Variants in KATNIP observed in about 807,000 individuals in gnomAD.
The protein encoded by KATNIP is katanin-interacting protein.
KATNIP carries 126 observed loss-of-function variants against 174.0 expected under a neutral mutation model. The ratio of observed to expected loss-of-function variants is 0.72; its 90% CI spans 0.63 to 0.84. The LOEUF (loss-of-function observed/expected upper bound fraction) is 0.84. KATNIP is among the 40% of genes least tolerant of loss of function. The pLI is 0.00. For missense variants in KATNIP, 1,958 were observed against 2,109.7 expected, an observed-to-expected ratio of 0.93 and a Z score of 1.41; for synonymous variants, 810 against 835.7, an observed-to-expected ratio of 0.97 and a Z score of 0.53.
chr16:27,560,484 A>G (rs2089835299), intron 1 of KATNIP, among the ~76,000 whole-genome samples: 1 of 151,776 alleles, frequency 6.6e-6, no homozygotes, highest in Non-Finnish European at 1.5e-5. Context: ...TCTGGTGCTC[A>G]CTTCTTCCAT....
At chr16:27,713,496 T>G (rs2079679578) in intron 13 of KATNIP, among the ~76,000 whole-genome samples, 1 of 151,560 alleles carries the variant, frequency 6.6e-6, no homozygotes, top group South Asian at 2.1e-4. Flanking sequence ...CCCAGCACAC[T>G]TTGGGAGATC....
At chr16:27,747,501 A>G (rs2081335192) in intron 15 of KATNIP, among the ~76,000 whole-genome samples, 1 of 152,052 alleles carries the variant, frequency 6.6e-6, no homozygotes, top group Non-Finnish European at 1.5e-5. Context: ...GGTTCTCTCT[A>G]TAGGGTAGCA....
At position 27,690,367 on chromosome 16, in the gene KATNIP, A is replaced by AGAT. The variant is rs879548240; in HGVS notation, c.941-7960_941-7958dup. ...ATAGATAGATAGATAGATAGATGAT[A>AGAT]GATAGATAGATAGATAGATAGAAAA... On this transcript the variant is annotated intron_variant, in intron 8 of 27. Coordinates refer to ENST00000261588, the MANE Select transcript of KATNIP (RefSeq NM_015202.5). Among the ~76,000 whole-genome samples the AGAT allele has an allele frequency of 1.4e-3, 200 of 142,300 alleles. 1 individual carries two copies. The highest frequency in any genetic ancestry group is 2.1e-3 in the Non-Finnish European group (136 of 64,612). The allele number at this position is 142,300 out of a possible 152,430, so 93.4% of individuals were successfully genotyped here.
At chr16:27,554,379 C>T (rs1381868981) in intron 1 of KATNIP, among the ~76,000 whole-genome samples, 1 of 152,102 alleles carries the variant, frequency 6.6e-6, no homozygotes, top group African/African-American at 2.4e-5. Flanking sequence ...GCAAGAGAAT[C>T]GCTTGAACCC....
chr16:27,746,861 G>C (rs2143702690), intron 15 of KATNIP, among the ~76,000 whole-genome samples: 1 of 152,326 alleles, frequency 6.6e-6, no homozygotes, highest in South Asian at 2.1e-4. Flanking sequence ...TGTGGGCATG[G>C]TAAGAGTCAG....
chr16:27,556,241 A>G (rs954831760), intron 1 of KATNIP, among the ~76,000 whole-genome samples: 5 of 152,224 alleles, frequency 3.3e-5, no homozygotes, highest in Non-Finnish European at 7.3e-5. Flanking sequence ...GCTCTCTAGC[A>G]GATGATAACT....
At chr16:27,759,153 T>A (rs1030083253) in intron 18 of KATNIP, among the ~76,000 whole-genome samples, 4 of 152,212 alleles carry the variant, frequency 2.6e-5, no homozygotes, top group Non-Finnish European at 5.9e-5. Context: ...TGTTCTGGGC[T>A]CCGGGGATAC....
intron 1 of KATNIP, among the ~76,000 whole-genome samples, chr16:27,556,233 T>G (rs2089623295): frequency 6.6e-6 from 1 of 152,120 alleles, no homozygotes; most frequent in Non-Finnish European, 1.5e-5. Flanking sequence ...CTGATGAAGC[T>G]CTCTAGCAGA....
At chr16:27,615,686 T>TGA (rs1188549982) in intron 2 of KATNIP, among the ~76,000 whole-genome samples, 1 of 151,710 alleles carries the variant, frequency 6.6e-6, no homozygotes, top group Non-Finnish European at 1.5e-5. Flanking sequence ...ATCATGAGGA[T>TGA]GAGAGAGAGA....
intron 14 of KATNIP, among the ~76,000 whole-genome samples, chr16:27,737,508 A>T (rs1404329687): frequency 2.0e-5 from 3 of 152,156 alleles, no homozygotes; most frequent in African/African-American, 7.2e-5. Context: ...GATGAAAATA[A>T]CTGGGAGCCT....
intron 7 of KATNIP, among the ~76,000 whole-genome samples, chr16:27,680,296 G>A (rs1343323983): frequency 6.6e-6 from 1 of 152,240 alleles, no homozygotes; most frequent in South Asian, 2.1e-4. Flanking sequence ...ATGGTCCCAC[G>A]TGGGACCCAC....
At chr16:27,611,761 G>A (rs1380301439) in intron 2 of KATNIP, among the ~76,000 whole-genome samples, 1 of 152,198 alleles carries the variant, frequency 6.6e-6, no homozygotes, top group Non-Finnish European at 1.5e-5. Flanking sequence ...AAACAGCAGA[G>A]TTCAGGGCTC....
chr16:27,771,569 C>T lies in KATNIP; in HGVS notation c.4134-19C>T, dbSNP rs1251524555. 6.2e-7 allele frequency: 1 copy of T among 1,611,170 alleles called. No homozygotes were observed. The highest frequency in any genetic ancestry group is 1.7e-5 in the Admixed American group (1 of 59,802). ...GGCCGTCGTGAGCTTCTTCATGGTG[C>T]TGTTTTGTGCTTTTTCAGGCTGGAC... is the stretch of plus-strand genomic sequence containing the variant. On this transcript the variant is annotated intron_variant, in intron 21 of 27. Coordinates refer to ENST00000261588, the MANE Select transcript of KATNIP (RefSeq NM_015202.5).
Position 27,632,261 on chromosome 16 carries a change from C to T in KATNIP, c.408+1099C>T, listed in dbSNP as rs540854219. Among the ~76,000 whole-genome samples the T allele has an allele frequency of 4.3e-4, 66 of 152,276 alleles. No homozygotes were observed. The South Asian group carries it at 0.013, about 31-fold the overall frequency. ...ATTTCTCAGAAAGGGTGGCAGCCTC[C>T]CTCCCGGGTGGCCATTCCGGCAGGC... On this transcript the variant is annotated intron_variant, in intron 5 of 27. Coordinates refer to ENST00000261588, the MANE Select transcript of KATNIP (RefSeq NM_015202.5).
At chr16:27,686,414 TG>T (rs1225711589) in intron 8 of KATNIP, among the ~76,000 whole-genome samples, 4 of 152,268 alleles carry the variant, frequency 2.6e-5, no homozygotes, top group Non-Finnish European at 5.9e-5. Flanking sequence ...GGCTTTCTTT[TG>T]GTTAGTATTT....
intron 2 of KATNIP, among the ~76,000 whole-genome samples, chr16:27,603,105 G>T (rs918831719): frequency 5.3e-5 from 8 of 152,220 alleles, no homozygotes; most frequent in African/African-American, 1.9e-4. Context: ...GGGCCATCTG[G>T]TTGTCAGAAA....
At chr16:27,645,687 TCCTC>T (rs1302563958) in intron 5 of KATNIP, among the ~76,000 whole-genome samples, 1 of 152,228 alleles carries the variant, frequency 6.6e-6, no homozygotes, top group Non-Finnish European at 1.5e-5. Context: ...GTGGCTTTCT[TCCTC>T]ATTCTCACAA....
At chr16:27,759,516 C>A (rs2081872327) in intron 18 of KATNIP, among the ~76,000 whole-genome samples, 1 of 152,246 alleles carries the variant, frequency 6.6e-6, no homozygotes. Flanking sequence ...AGTATCTTGG[C>A]TGGGCAGCTC....
chr16:27,668,167 G>A (rs1172717646), intron 6 of KATNIP, among the ~76,000 whole-genome samples: 1 of 152,126 alleles, frequency 6.6e-6, no homozygotes, highest in East Asian at 1.9e-4. Context: ...TTCCAAGTTG[G>A]TACCAGGCAG....
Sources: allele counts gnomAD v4.1 joint callset (sites outside exome capture counted in the v4.1 genomes callset), GRCh38; gene constraint gnomAD v4.1.1; transcripts MANE v1.5; gene names NCBI Gene and HGNC (gene_info 2026-07-23, HGNC 2026-07-21).